The following RELN variants were observed in gnomAD, a reference collection of about 807,000 sequenced individuals.
RELN encodes the protein reelin.
Under a neutral mutation model 427.6 loss-of-function variants are expected in RELN, and 108 were observed. The observed-to-expected ratio is 0.25, with a 90% CI of 0.22 to 0.30. The LOEUF is 0.30. RELN is among the 10% of genes least tolerant of loss of function. The pLI is 1.00. For synonymous variants in RELN, 1,524 were observed against 1,513.4 expected (o/e 1.01, Z -0.16); for missense variants, 3,715 against 4,302.8 (o/e 0.86, Z 3.82).
rs774010851 is a variant in RELN at position 103,498,197 on chromosome 7, G to A, written c.8723C>T (p.Ser2908Phe). ...AGTGCAAGTACTTCCACCTTCTAAG[G>A]ACATCCATAAGTCAGGTTTGATTTC... ...SEEIKPDLWM[S>F]LEGGSTCTEC... The change falls in exon 54 of 65, where the codon TCC (serine) becomes TTC (phenylalanine). Residue 2908 changes from serine (S) to phenylalanine (F), a missense_variant. Physicochemically the swap from Ser to Phe is radical, Grantham distance 155. Around this residue, in one of 4 missense-constraint regions of RELN, gnomAD observed 1,310 missense variants for 1,643.0 expected, o/e 0.80. Coordinates refer to ENST00000428762, the MANE Select transcript of RELN (RefSeq NM_005045.4). The A allele has an allele frequency of 1.6e-5, 26 of 1,613,808 alleles. No individual in the cohort carries two copies. The highest frequency in any genetic ancestry group is 2.1e-5 in the Non-Finnish European group (25 of 1,179,946).
rs1209466933 is a variant in RELN, at chr7:103,987,085, A to AAAAAC, written c.226+2045_226+2046insGTTTT. 3.6e-3 allele frequency among the ~76,000 whole-genome samples: 540 copies of AAAAAC among 151,908 alleles called. 22 individuals carry two copies. The highest frequency in any genetic ancestry group is 0.025 in the Admixed American group (373 of 15,168). ...TGTAGAACATTTTACAAAAAAAAAA[A>AAAAAC]AAAAAACTCTTACTTTAAGGCCTAT... On this transcript the variant is annotated intron_variant, in intron 1 of 64. Coordinates refer to ENST00000428762, the MANE Select transcript of RELN (RefSeq NM_005045.4).
chr7:103,805,094 G>A (rs1792565036), intron 3 of RELN, among the ~76,000 whole-genome samples: 1 of 151,904 alleles, frequency 6.6e-6, no homozygotes, highest in Admixed American at 6.6e-5. Context: ...ACAACTCAAT[G>A]TCAAGAAAAC....
chr7:103,925,486 C>T (rs1221301600), intron 1 of RELN, among the ~76,000 whole-genome samples: 1 of 152,012 alleles, frequency 6.6e-6, no homozygotes, highest in Non-Finnish European at 1.5e-5. Flanking sequence ...TATCTCTGAC[C>T]TTATTTTTCA....
chr7:103,482,734 G>GGT, intron 63 of RELN, 139 bp downstream of exon 63: 1 of 1,532,390 alleles, frequency 6.5e-7, no homozygotes, highest in Non-Finnish European at 8.8e-7. Flanking sequence ...GCTTGCAGTT[G>GGT]CAAAAGAGTG....
chr7:103,871,936 C>T (rs115761410), intron 2 of RELN, among the ~76,000 whole-genome samples: 312 of 151,318 alleles, frequency 2.1e-3, no homozygotes, highest in Middle Eastern at 0.01. Flanking sequence ...TTTACTATTA[C>T]GCAAAGTAAA....
intron 2 of RELN, among the ~76,000 whole-genome samples, chr7:103,875,452 T>G (rs1481847247): frequency 6.6e-6 from 1 of 152,212 alleles, no homozygotes; most frequent in Non-Finnish European, 1.5e-5. Context: ...TGAATATATT[T>G]TTGACTAACA....
intron 2 of RELN, among the ~76,000 whole-genome samples, chr7:103,849,896 T>G (rs1182929753): frequency 6.6e-6 from 1 of 152,222 alleles, no homozygotes; most frequent in East Asian, 1.9e-4. Context: ...TCTTTCTCTC[T>G]GTTATGGCAA....
At chr7:103,636,526 A>T in intron 17 of RELN, 58 bp from the exon 18 acceptor site, 2 of 1,152,458 alleles carry the variant, frequency 1.7e-6, no homozygotes, top group South Asian at 2.6e-5. Context: ...GAGATTCTCG[A>T]ATCTACTTTG....
intron 50 of RELN, among the ~76,000 whole-genome samples, 168 bp from the exon 51 acceptor site, chr7:103,511,173 C>A (rs1368035029): frequency 6.6e-6 from 1 of 152,044 alleles, no homozygotes; most frequent in African/African-American, 2.4e-5. Flanking sequence ...AACATAAATA[C>A]TAGGAGGATT....
chr7:103,579,595 T>C (rs1346461304), intron 28 of RELN, among the ~76,000 whole-genome samples: 1 of 135,828 alleles, frequency 7.4e-6, no homozygotes, highest in Non-Finnish European at 1.5e-5. Flanking sequence ...TAAGACTCCA[T>C]CTCCAAAAAA....
chr7:103,575,745 T>A, intron 28 of RELN, 40 bp from the exon 29 acceptor site: 1 of 1,609,214 alleles, frequency 6.2e-7, no homozygotes, highest in Non-Finnish European at 8.5e-7. Context: ...TGTACCAACA[T>A]CTCATATCAA....
rs1411192424 is a variant in RELN, at chr7:103,650,373, T to C, written c.1903A>G (p.Ile635Val). 3 of 1,609,168 alleles carry C rather than the reference T, an allele frequency of 1.9e-6. No homozygotes were observed. Among genetic ancestry groups the C allele is most frequent in the African/African-American group, 1.3e-5 (1 of 74,780 alleles). Residue 635 changes from isoleucine to valine, a missense_variant, in exon 16 of 65, where the codon ATA (isoleucine) becomes GTA (valine). By Grantham distance (29) the Ile-to-Val change is conservative (BLOSUM62 3). Around this residue, in one of 4 missense-constraint regions of RELN, gnomAD observed 2,208 missense variants for 2,361.7 expected, o/e 0.93. Coordinates refer to ENST00000428762, the MANE Select transcript of RELN (RefSeq NM_005045.4). The part of the protein sequence containing the change: ...SSENYSGWNR[I>V]TIPLPNAALT... The stretch of plus-strand genomic sequence containing the variant: ...GCTGCGTTAGGAAGGGGAATTGTTA[T>C]TCGGTTCCACCTGCAAGAAATTTAG...
At chr7:103,742,286 C>G (rs1584455034) in intron 6 of RELN, among the ~76,000 whole-genome samples, 1 of 152,050 alleles carries the variant, frequency 6.6e-6, no homozygotes, top group East Asian at 1.9e-4. Context: ...CATCAAAGAC[C>G]AAAGGTAGCT....
intron 8 of RELN, among the ~76,000 whole-genome samples, chr7:103,712,337 A>T (rs1014914664): frequency 6.6e-6 from 1 of 152,220 alleles, no homozygotes. Context: ...TTGGCATAAC[A>T]AACAGTATAA....
intron 1 of RELN, among the ~76,000 whole-genome samples, chr7:103,970,074 A>C (rs1796732764): frequency 6.6e-6 from 1 of 152,018 alleles, no homozygotes; most frequent in African/African-American, 2.4e-5. Flanking sequence ...CCCACACCTG[A>C]GGTCAAACAA....
At chr7:103,500,684 T>C (rs1200602191) in intron 53 of RELN, 61 bp downstream of exon 53, 2 of 1,546,126 alleles carry the variant, frequency 1.3e-6, no homozygotes, top group Admixed American at 1.7e-5. Context: ...CATACATAAG[T>C]TGGTTCCTAG....
At chr7:103,871,963 C>T (rs963508548) in intron 2 of RELN, among the ~76,000 whole-genome samples, 3 of 150,344 alleles carry the variant, frequency 2.0e-5, no homozygotes, top group South Asian at 2.1e-4. Flanking sequence ...AGATATAATG[C>T]TAATTATTCA....
chr7:103,818,790 T>C (rs1460530709), intron 3 of RELN, among the ~76,000 whole-genome samples: 1 of 152,052 alleles, frequency 6.6e-6, no homozygotes, highest in African/African-American at 2.4e-5. Context: ...AAAACACTCA[T>C]AATATAATGT....
chr7:103,868,970 A>G (rs960588761), intron 2 of RELN, among the ~76,000 whole-genome samples: 4 of 152,186 alleles, frequency 2.6e-5, no homozygotes, highest in Admixed American at 1.3e-4. Flanking sequence ...CAAGATACAC[A>G]TGGACCTTGG....
Sources: gnomAD v4.1 joint callset for allele counts (sites outside exome capture counted in the v4.1 genomes callset) on GRCh38, gnomAD v4.1.1 for gene constraint, gnomAD v4.1.1 regional missense constraint, MANE v1.5 for transcripts, NCBI Gene and HGNC (gene_info 2026-07-23, HGNC 2026-07-21) for gene names.